ANK2: variants seen among roughly 807,000 people sequenced by gnomAD.
The protein encoded by ANK2 is ankyrin 2.
A neutral mutation model predicts 360.5 loss-of-function variants in ANK2; 83 were observed. That is an observed-to-expected ratio of 0.23 (90% CI 0.19 to 0.28). The LOEUF (loss-of-function observed/expected upper bound fraction) is 0.28. ANK2 is among the 10% of genes least tolerant of loss of function. The pLI is 1.00. For synonymous variants in ANK2, 1,740 were observed against 1,759.5 expected (o/e 0.99, Z 0.28); for missense variants, 4,201 against 4,795.7 (o/e 0.88, Z 3.66).
intron 1 of ANK2, among the ~76,000 whole-genome samples, chr4:112,893,495 G>A (rs1195139897): frequency 3.3e-5 from 5 of 152,062 alleles, no homozygotes; most frequent in African/African-American, 1.2e-4. Flanking sequence ...TAATATAATT[G>A]TGGTTTTTGA....
At chr4:112,734,054 C>T in the ANK2 span, among the ~76,000 whole-genome samples, 4 of 152,272 alleles carry the variant, frequency 2.6e-5, no homozygotes, top group East Asian at 1.9e-4. Flanking sequence ...GGTTTACAGG[C>T]GTGAGCCAAC....
chr4:112,991,236 C>CAAAAAAA (rs10687542), intron 2 of ANK2, among the ~76,000 whole-genome samples: 1 of 122,278 alleles, frequency 8.2e-6, no homozygotes, highest in East Asian at 2.3e-4. Flanking sequence ...GACAGAGCCT[C>CAAAAAAA]AAAAAAAAAA....
At chr4:113,312,982 T>C (rs897959726) in intron 24 of ANK2, among the ~76,000 whole-genome samples, 3 of 152,188 alleles carry the variant, frequency 2.0e-5, no homozygotes, top group East Asian at 1.9e-4. Flanking sequence ...AATAAAAAAT[T>C]TGAGAGTTTT....
chr4:112,788,243 G>C, the ANK2 span: 1 of 1,590,602 alleles, frequency 6.3e-7, no homozygotes, highest in Non-Finnish European at 8.5e-7. Context: ...CTTAGCCAAA[G>C]CGCCTTTGTC....
the ANK2 span, among the ~76,000 whole-genome samples, chr4:112,780,121 C>A: frequency 6.6e-6 from 1 of 150,906 alleles, no homozygotes; most frequent in African/African-American, 2.4e-5. Context: ...ACTTGGGGGG[C>A]TGAGTTGCGG....
intron 2 of ANK2, among the ~76,000 whole-genome samples, chr4:113,191,162 A>G (rs1224407973): frequency 6.6e-6 from 1 of 152,194 alleles, no homozygotes; most frequent in East Asian, 1.9e-4. Context: ...CAACAGGGTG[A>G]AACCCCGTCT....
upstream of ANK2, among the ~76,000 whole-genome samples, chr4:113,046,857 C>T (rs893893729): frequency 6.6e-6 from 1 of 152,158 alleles, no homozygotes; most frequent in African/African-American, 2.4e-5. Context: ...GGCATTGTTA[C>T]AAAGGCTGTC....
chr4:112,920,005 T>C (rs917628268), intron 2 of ANK2, among the ~76,000 whole-genome samples: 46 of 152,002 alleles, frequency 3.0e-4, no homozygotes, highest in African/African-American at 1.1e-3. Context: ...CATTATGGAA[T>C]TTTAGGTTTC....
chr4:112,813,520 AATTAT>A (rs796744921), upstream of ANK2, among the ~76,000 whole-genome samples: 37 of 150,112 alleles, frequency 2.5e-4, no homozygotes, highest in East Asian at 6.8e-3. Context: ...TCCTTTACCA[AATTAT>A]ATTATATTTA....
chr4:113,061,839 A>G (rs1244120262), intron 1 of ANK2, among the ~76,000 whole-genome samples: 1 of 152,180 alleles, frequency 6.6e-6, no homozygotes. Context: ...ACATTTAAAA[A>G]TAACTGAAAG....
intron 2 of ANK2, among the ~76,000 whole-genome samples, chr4:112,926,439 G>A (rs1234998056): frequency 1.3e-5 from 2 of 152,180 alleles, no homozygotes; most frequent in African/African-American, 2.4e-5. Flanking sequence ...CCAGGAATAT[G>A]AGGGCAAAGA....
intron 14 of ANK2, among the ~76,000 whole-genome samples, chr4:113,271,295 G>T (rs954669587): frequency 3.9e-5 from 6 of 152,294 alleles, no homozygotes; most frequent in African/African-American, 1.4e-4. Flanking sequence ...CCATTTATGA[G>T]GTGGGATAAG....
intron 1 of ANK2, among the ~76,000 whole-genome samples, chr4:113,133,032 A>G (rs1193380601): frequency 6.6e-6 from 1 of 152,204 alleles, no homozygotes; most frequent in Non-Finnish European, 1.5e-5. Context: ...TTCAGAAGTA[A>G]GAGTTAATTC....
At chr4:112,724,175 G>A in the ANK2 span, among the ~76,000 whole-genome samples, 2 of 150,604 alleles carry the variant, frequency 1.3e-5, no homozygotes, top group South Asian at 2.1e-4. Flanking sequence ...AGTGAGTCTC[G>A]TGCCTTAGCC....
intron 2 of ANK2, among the ~76,000 whole-genome samples, chr4:112,996,243 A>G (rs1490801147): frequency 6.6e-6 from 1 of 152,192 alleles, no homozygotes; most frequent in Non-Finnish European, 1.5e-5. Flanking sequence ...CAGAAAGCAA[A>G]TCAGTAAGTG....
At chr4:113,241,678 A>G (rs913388008) in intron 8 of ANK2, among the ~76,000 whole-genome samples, 1 of 152,172 alleles carries the variant, frequency 6.6e-6, no homozygotes, top group African/African-American at 2.4e-5. Flanking sequence ...TATATTGGAT[A>G]TTAATACCCA....
the ANK2 span, among the ~76,000 whole-genome samples, chr4:112,764,578 T>C: frequency 6.6e-6 from 1 of 151,750 alleles, no homozygotes; most frequent in African/African-American, 2.4e-5. Context: ...TCAGGTGATC[T>C]ACCCACCTCG....
At chr4:113,105,223 G>T (rs1233025829) in intron 1 of ANK2, among the ~76,000 whole-genome samples, 1 of 152,142 alleles carries the variant, frequency 6.6e-6, no homozygotes, top group Non-Finnish European at 1.5e-5. Flanking sequence ...AGACATCAAA[G>T]TTTAAACTTT....
At chr4:113,237,500 T>A in intron 6 of ANK2, 99 bp from the exon 7 acceptor site, 1 of 1,220,418 alleles carries the variant, frequency 8.2e-7, no homozygotes, top group Non-Finnish European at 1.2e-6. Flanking sequence ...TTTTGCCATG[T>A]TGGAACAGTA....
Sources: allele counts gnomAD v4.1 joint callset (sites outside exome capture counted in the v4.1 genomes callset), GRCh38; gene constraint gnomAD v4.1.1; transcripts MANE v1.5; gene names NCBI Gene and HGNC (gene_info 2026-07-23, HGNC 2026-07-21).